Variants in FBXO5 observed in about 807,000 individuals in gnomAD.
The protein encoded by FBXO5 is F-box protein 5.
FBXO5 carries 8 observed loss-of-function variants against 43.3 expected under a neutral mutation model. That is an observed-to-expected ratio of 0.18 (90% CI 0.11 to 0.33). The LOEUF (loss-of-function observed/expected upper bound fraction) is 0.33. Among genes scored for constraint, FBXO5 ranks in the 10% least tolerant of loss-of-function variants. FBXO5 has a pLI of 1.00. For synonymous variants in FBXO5, 204 were observed against 193.7 expected, an observed-to-expected ratio of 1.05 and a Z score of -0.44; for missense variants, 491 against 535.7, an observed-to-expected ratio of 0.92 and a Z score of 0.82.
At position 152,975,483 on chromosome 6, in the gene FBXO5, C is replaced by G; in HGVS notation, c.242G>C (p.Gly81Ala). 1 of 1,614,048 alleles carries G rather than the reference C, an allele frequency of 6.2e-7. No individual in the cohort carries two copies. The highest frequency in any genetic ancestry group is 8.5e-7 in the Non-Finnish European group (1 of 1,179,996). Residue 81 changes from glycine (G) to alanine (A), a missense_variant, in exon 2 of 5, where the codon GGT becomes GCT. By Grantham distance (60) the Gly-to-Ala change is moderately conservative. Transcript: ENST00000229758. The part of the protein sequence containing the change: ...LVSYTPAYLE[G>A]SCKDCIKDYE... ...GTCTTTAATGCAGTCTTTACAGGAA[C>G]CTTCCAAATATGCAGGGGTGTAGGA... is the stretch of plus-strand genomic sequence containing the variant.
intron 4 of FBXO5, 134 bp downstream of exon 4, chr6:152,972,138 A>G: frequency 1.9e-6 from 1 of 538,548 alleles, no homozygotes; most frequent in South Asian, 3.7e-5. Context: ...GATCATTAAT[A>G]TCAGGTTTCT....
At chr6:152,982,386 G>C (rs1379396697) in intron 1 of FBXO5, among the ~76,000 whole-genome samples, 1 of 152,152 alleles carries the variant, frequency 6.6e-6, no homozygotes, top group Non-Finnish European at 1.5e-5. Flanking sequence ...TGAGGGTGCG[G>C]GGCAGATGTA....
intron 1 of FBXO5, among the ~76,000 whole-genome samples, chr6:152,978,369 TCA>T (rs1259548913): frequency 1.5e-4 from 3 of 19,948 alleles, no homozygotes; most frequent in African/African-American, 8.7e-4. Context: ...ATGGAGAGCT[TCA>T]TTTTTTGGGG....
rs912885237 is a variant in FBXO5 at position 152,975,319 on chromosome 6, G to C, written c.406C>G (p.Leu136Val). 6.2e-7 allele frequency: 1 copy of C among 1,614,158 alleles called. No homozygotes were observed. The highest frequency in any genetic ancestry group is 8.5e-7 in the Non-Finnish European group (1 of 1,180,024). ...TCTTCATAAAGTCTACTGGTCTCTA[G>C]TGCTTCTATTTCATTTGTACTATTA... The part of the protein sequence containing the change: ...TLNSTNEIEA[L>V]ETSRLYEDSG... The change falls in exon 2 of 5, where the codon CTA becomes GTA. Residue 136 changes from leucine to valine, a missense_variant. Leu to Val is a conservative substitution (Grantham distance 32). Transcript: ENST00000229758.
In FBXO5 at chr6:152,971,161, G is replaced by A. The variant is rs1365224888; in HGVS notation, c.*2C>T. The A allele has an allele frequency of 6.2e-7, 1 of 1,603,016 alleles. No homozygotes were observed. The highest frequency in any genetic ancestry group is 8.5e-7 in the Non-Finnish European group (1 of 1,176,320). ...ATCAGTAACAATTGATTTAATAAGA[G>A]ATCACAATCTTCGTAAATTCTTTTT... On this transcript the variant is annotated 3_prime_UTR_variant, in exon 5 of 5. Coordinates refer to ENST00000229758, the MANE Select transcript of FBXO5 (RefSeq NM_012177.5).
In FBXO5 at chr6:152,972,365, G is replaced by A. The variant is rs754881367; in HGVS notation, c.999C>T (p.Ala333=). 1.2e-6 allele frequency: 2 copies of A among 1,612,808 alleles called. No homozygotes were observed. The highest frequency in any genetic ancestry group is 2.2e-5 in the South Asian group (2 of 90,992). ...TPLASVQKSA[A]QTSLKKDAQT... ...GAGCATCTTTTTTGAGAGAAGTCTG[G>A]GCTGCTGATTTCTGAACAGAAGCCA... Residue 333 remains alanine, a synonymous_variant, in exon 4 of 5, where the codon GCC becomes GCT. Transcript: ENST00000229758.
Position 152,971,128 on chromosome 6 carries a change from C to T in FBXO5, c.*35G>A. ...TTAAAACCTAACATTTTCTAACTAA[C>T]ATTCATGATCAGTAACAATTGATTT... On this transcript the variant is annotated 3_prime_UTR_variant, in exon 5 of 5. Transcript: ENST00000229758. 6.5e-7 allele frequency: 1 copy of T among 1,544,532 alleles called. No homozygotes were observed.
Position 152,975,330 on chromosome 6 carries a change from T to A in FBXO5, c.395A>T (p.Glu132Val), listed in dbSNP as rs774746707. Reference protein sequence around the residue: ...HVQQTLNSTNEIEALETSRLY... With the variant: ...HVQQTLNSTNVIEALETSRLY... ...TCTACTGGTCTCTAGTGCTTCTATT[T>A]CATTTGTACTATTAAGTGTCTGTTG... is the stretch of plus-strand genomic sequence containing the variant. The change falls in exon 2 of 5, where the codon GAA (glutamate) becomes GTA (valine). Residue 132 changes from glutamate to valine, a missense_variant. Transcript: ENST00000229758. 1 of 1,614,038 alleles carries A rather than the reference T, an allele frequency of 6.2e-7. No homozygotes were observed. The highest frequency in any genetic ancestry group is 2.2e-5 in the East Asian group (1 of 44,892).
At chr6:152,981,794 T>C (rs371236739) in intron 1 of FBXO5, among the ~76,000 whole-genome samples, 1 of 152,236 alleles carries the variant, frequency 6.6e-6, no homozygotes, top group East Asian at 1.9e-4. Context: ...TCTTTTTTAA[T>C]AATAGAGTCA....
At chr6:152,982,795 G>T in intron 1 of FBXO5, 62 bp downstream of exon 1, 2 of 1,200,530 alleles carry the variant, frequency 1.7e-6, no homozygotes, top group South Asian at 3.2e-5. Flanking sequence ...CTCAGGCTGC[G>T]ACCCTCCCCG....
At chr6:152,973,938 G>A (rs1175410354) in intron 2 of FBXO5, 1 of 149,820 alleles carries the variant, frequency 6.7e-6, no homozygotes, top group Non-Finnish European at 1.5e-5. Context: ...ACTCACACTT[G>A]CAAAGAGTAC....
chr6:152,973,872 A>C (rs1024342206), intron 2 of FBXO5: 2 of 152,072 alleles, frequency 1.3e-5, no homozygotes, highest in Admixed American at 1.3e-4. Context: ...AATTAAAAAA[A>C]AAGAAGCTGT....
rs41302051 is a variant in FBXO5 at position 152,975,337 on chromosome 6, T to C, written c.388A>G (p.Thr130Ala). Reference protein sequence around the residue: ...NQHVQQTLNSTNEIEALETSR... With the variant: ...NQHVQQTLNSANEIEALETSR... ...GTCTCTAGTGCTTCTATTTCATTTG[T>C]ACTATTAAGTGTCTGTTGCACATGT... The change falls in exon 2 of 5, where the codon ACA becomes GCA. Residue 130 changes from threonine to alanine, a missense_variant. By Grantham distance (58) the Thr-to-Ala change is moderately conservative. Transcript: ENST00000229758. 8.7e-3 allele frequency: 13,992 copies of C among 1,614,178 alleles called. 71 individuals are homozygous for C. The highest frequency in any genetic ancestry group is 0.011 in the Non-Finnish European group (12,620 of 1,180,006).
chr6:152,979,063 G>A (rs1393820095), intron 1 of FBXO5, among the ~76,000 whole-genome samples: 2 of 152,040 alleles, frequency 1.3e-5, no homozygotes, highest in Non-Finnish European at 2.9e-5. Flanking sequence ...TGAATTCACA[G>A]AAAAGCTGCA....
chr6:152,983,094 A>C (rs1778292322), upstream of FBXO5: 3 of 491,414 alleles, frequency 6.1e-6, no homozygotes, highest in Non-Finnish European at 1.0e-5. Context: ...TGGTGCCTAA[A>C]TCCGCGCGGT....
At chr6:152,982,286 G>A (rs1778272570) in intron 1 of FBXO5, among the ~76,000 whole-genome samples, 1 of 152,156 alleles carries the variant, frequency 6.6e-6, no homozygotes, top group Non-Finnish European at 1.5e-5. Context: ...CGGGACACGC[G>A]GAGGAGGCGG....
At chr6:152,971,982 C>T (rs1409019178) in intron 4 of FBXO5, among the ~76,000 whole-genome samples, 1 of 152,124 alleles carries the variant, frequency 6.6e-6, no homozygotes, top group Non-Finnish European at 1.5e-5. Context: ...TCAAACAATG[C>T]CAAGCAGTAC....
intron 2 of FBXO5, among the ~76,000 whole-genome samples, chr6:152,974,410 C>T (rs1049820407): frequency 6.6e-6 from 1 of 152,100 alleles, no homozygotes; most frequent in African/African-American, 2.4e-5. Flanking sequence ...ATGTAACTTA[C>T]ATATTAGAAA....
upstream of FBXO5, chr6:152,983,128 G>C (rs938371710): frequency 2.3e-6 from 1 of 426,908 alleles, no homozygotes; most frequent in Non-Finnish European, 4.1e-6. Flanking sequence ...TCGCTTGCAT[G>C]CGCGCACCAA....
Sources: gnomAD v4.1 joint callset for allele counts (sites outside exome capture counted in the v4.1 genomes callset) on GRCh38, gnomAD v4.1.1 for gene constraint, MANE v1.5 for transcripts, NCBI Gene and HGNC (gene_info 2026-07-23, HGNC 2026-07-21) for gene names.